SH2D4A: variants seen among roughly 807,000 people sequenced by gnomAD.
The protein encoded by SH2D4A is SH2 domain containing 4A.
A neutral mutation model predicts 64.7 loss-of-function variants in SH2D4A; 70 were observed. That is an observed-to-expected ratio of 1.08 (90% confidence interval 0.89 to 1.32). SH2D4A has a LOEUF of 1.32. Among genes scored for constraint, SH2D4A ranks in the 40% most tolerant of loss-of-function variants. The pLI, the probability that SH2D4A is intolerant of heterozygous loss-of-function variation, is 0.00. For missense variants in SH2D4A, 706 were observed against 540.1 expected (o/e 1.31, Z -3.04); for synonymous variants, 268 against 200.7 (o/e 1.34, Z -2.83).
At chr8:19,361,381 A>G in intron 6 of SH2D4A, 67 bp downstream of exon 6, 2 of 1,484,894 alleles carry the variant, frequency 1.3e-6, no homozygotes, top group Non-Finnish European at 1.8e-6. Flanking sequence ...TAATAATGTG[A>G]TCAATCTAGA....
At chr8:19,380,124 G>A (rs1415603604) in intron 8 of SH2D4A, among the ~76,000 whole-genome samples, 1 of 152,084 alleles carries the variant, frequency 6.6e-6, no homozygotes, top group East Asian at 1.9e-4. Flanking sequence ...TTTCCCTAAT[G>A]ACTAGTAATG....
At chr8:19,388,702 T>C (rs1309662692) in intron 8 of SH2D4A, among the ~76,000 whole-genome samples, 3 of 152,358 alleles carry the variant, frequency 2.0e-5, no homozygotes, top group African/African-American at 7.2e-5. Flanking sequence ...ATGCATCTCT[T>C]GTCCCTATGA....
In SH2D4A at chr8:19,364,082, C is replaced by G. The variant is rs1400148171; in HGVS notation, c.717C>G (p.Ser239=). Residue 239 remains serine (S), a synonymous_variant, in exon 7 of 10, where the codon TCC becomes TCG. Transcript: ENST00000265807. ...DSEWQASLRK[S]KAADEKRRSL... is the part of the protein sequence containing the mutation. ...CCGTTGTTTTTCCAGTGCGAAAATC[C>G]AAAGCAGCTGATGAGAAGAGACGCT... The G allele has an allele frequency of 6.2e-7, 1 of 1,613,874 alleles. No homozygotes were observed.
chr8:19,362,936 GCACT>G (rs950074447), intron 6 of SH2D4A, among the ~76,000 whole-genome samples: 37 of 152,208 alleles, frequency 2.4e-4, no homozygotes, highest in African/African-American at 8.4e-4. Flanking sequence ...CATTCACTGA[GCACT>G]CACTCACTGA....
At chr8:19,334,161 G>A (rs1400405087) in intron 3 of SH2D4A, among the ~76,000 whole-genome samples, 2 of 152,108 alleles carry the variant, frequency 1.3e-5, no homozygotes. Context: ...AGGTGGTGAA[G>A]TGGAAATTGG....
intron 4 of SH2D4A, among the ~76,000 whole-genome samples, chr8:19,346,697 A>G (rs1350758485): frequency 6.6e-6 from 1 of 152,158 alleles, no homozygotes; most frequent in Non-Finnish European, 1.5e-5. Context: ...TCTTCTGTAG[A>G]TGTTAAATTT....
intron 2 of SH2D4A, among the ~76,000 whole-genome samples, chr8:19,329,169 C>G (rs2052331701): frequency 6.6e-6 from 1 of 152,196 alleles, no homozygotes. Context: ...CCCTCACTCT[C>G]TGTCTAAATT....
intron 7 of SH2D4A, among the ~76,000 whole-genome samples, chr8:19,370,306 C>T (rs995219781): frequency 6.6e-6 from 1 of 151,920 alleles, no homozygotes. Context: ...GATTTTCTGT[C>T]GGTATGATCT....
At chr8:19,344,898 G>C (rs1432850495) in intron 4 of SH2D4A, among the ~76,000 whole-genome samples, 1 of 152,154 alleles carries the variant, frequency 6.6e-6, no homozygotes, top group Non-Finnish European at 1.5e-5. Flanking sequence ...AAATAGCCTC[G>C]TTAGTTCAAG....
In SH2D4A at chr8:19,373,606, C is replaced by T; in HGVS notation, c.994C>T (p.Pro332Ser). The T allele has an allele frequency of 6.2e-7, 1 of 1,613,428 alleles. No individual in the cohort carries two copies. The highest frequency in any genetic ancestry group is 8.5e-7 in the Non-Finnish European group (1 of 1,179,646). The change falls in exon 8 of 10, where the codon CCA becomes TCA. Residue 332 changes from proline to serine, a missense_variant. Coordinates refer to ENST00000265807, the MANE Select transcript of SH2D4A (RefSeq NM_022071.4). The stretch of plus-strand genomic sequence containing the variant: ...CCGGTGGTTTAAAGAGGAGCAGCTA[C>T]CACTTCGAGCGGGCTACCAGAAAAC... ...IIRWFKEEQL[P>S]LRAGYQKTSD... is the part of the protein sequence containing the mutation.
At chr8:19,321,933 A>C (rs74751827) in intron 2 of SH2D4A, among the ~76,000 whole-genome samples, 6,647 of 152,270 alleles carry the variant, frequency 0.044, 161 homozygotes, top group East Asian at 0.055. Flanking sequence ...TCTCGCTTGT[A>C]GGGTTTTGAA....
chr8:19,347,936 C>T (rs748131165), intron 4 of SH2D4A, among the ~76,000 whole-genome samples: 27 of 152,156 alleles, frequency 1.8e-4, no homozygotes, highest in Non-Finnish European at 3.7e-4. Context: ...ACACAACACA[C>T]GTGTGCATGC....
At chr8:19,374,348 G>T (rs1334078349) in intron 8 of SH2D4A, among the ~76,000 whole-genome samples, 1 of 152,126 alleles carries the variant, frequency 6.6e-6, no homozygotes. Context: ...AAAGTGAGTG[G>T]CTTCTTGCCT....
At chr8:19,384,477 G>A (rs530030752) in intron 8 of SH2D4A, among the ~76,000 whole-genome samples, 4 of 152,038 alleles carry the variant, frequency 2.6e-5, no homozygotes, top group East Asian at 1.9e-4. Context: ...TTTCAGTTCC[G>A]GACTGTCTTG....
At chr8:19,316,943 A>G (rs1049923904) in intron 1 of SH2D4A, among the ~76,000 whole-genome samples, 41 of 152,210 alleles carry the variant, frequency 2.7e-4, no homozygotes, top group African/African-American at 9.2e-4. Flanking sequence ...TGCCTGGTAC[A>G]AGAAGTGTTA....
intron 2 of SH2D4A, among the ~76,000 whole-genome samples, chr8:19,326,603 C>T (rs182305509): frequency 2.9e-4 from 44 of 152,262 alleles, no homozygotes; most frequent in Non-Finnish European, 4.4e-4. Context: ...GGATAAAGTA[C>T]ATGATTCTCC....
At chr8:19,383,145 T>C (rs1353732782) in intron 8 of SH2D4A, among the ~76,000 whole-genome samples, 1 of 146,984 alleles carries the variant, frequency 6.8e-6, no homozygotes, top group African/African-American at 2.6e-5. Flanking sequence ...TCAAATACTC[T>C]CTCTGCCCCC....
chr8:19,352,184 G>C (rs1273205640), intron 4 of SH2D4A, among the ~76,000 whole-genome samples: 4 of 152,234 alleles, frequency 2.6e-5, no homozygotes, highest in African/African-American at 9.6e-5. Context: ...TCATTTGACA[G>C]ACAGACTCTG....
At chr8:19,358,325 G>T (rs999997035) in intron 5 of SH2D4A, among the ~76,000 whole-genome samples, 1 of 152,166 alleles carries the variant, frequency 6.6e-6, no homozygotes, top group Non-Finnish European at 1.5e-5. Context: ...CCTTCAGGGA[G>T]CTTATATTCT....
Sources: gnomAD v4.1 joint callset for allele counts (sites outside exome capture counted in the v4.1 genomes callset) on GRCh38, gnomAD v4.1.1 for gene constraint, MANE v1.5 for transcripts, NCBI Gene and HGNC (gene_info 2026-07-23, HGNC 2026-07-21) for gene names.